Variants in PRKAG2 observed in about 807,000 individuals in gnomAD.
PRKAG2 encodes 5'-AMP-activated protein kinase subunit gamma-2.
In PRKAG2, 26 loss-of-function variants were observed where a neutral mutation model predicts 69.6. That is an observed-to-expected ratio of 0.37 (90% confidence interval 0.27 to 0.52). PRKAG2 has a LOEUF of 0.52. PRKAG2 is among the 20% of genes least tolerant of loss of function. The probability of loss-of-function intolerance (pLI) is 0.90; values close to 1 mark genes in which losing one functional copy is unlikely to be tolerated. For synonymous variants in PRKAG2, 293 were observed against 285.0 expected, an observed-to-expected ratio of 1.03 and a Z score of -0.28; for missense variants, 557 against 740.0, an observed-to-expected ratio of 0.75 and a Z score of 2.87.
chr7:151,790,564 T>TC (rs1235162094), intron 1 of PRKAG2: 1 of 152,188 alleles, frequency 6.6e-6, no homozygotes, highest in Admixed American at 6.5e-5. Flanking sequence ...TTGAATTAAC[T>TC]CCCCGACCAA....
At chr7:151,642,064 G>A (rs1427486201) in intron 4 of PRKAG2, among the ~76,000 whole-genome samples, 1 of 150,274 alleles carries the variant, frequency 6.7e-6, no homozygotes, top group African/African-American at 2.4e-5. Flanking sequence ...GGCCAGGCGT[G>A]GTGGCTCACA....
intron 1 of PRKAG2, among the ~76,000 whole-genome samples, chr7:151,826,127 C>T (rs2078899991): frequency 6.6e-6 from 1 of 152,074 alleles, no homozygotes; most frequent in Non-Finnish European, 1.5e-5. Flanking sequence ...TAAACACCCC[C>T]ACCCATCCAT....
intron 1 of PRKAG2, among the ~76,000 whole-genome samples, chr7:151,834,375 G>A (rs151259234): frequency 7.2e-5 from 11 of 152,332 alleles, no homozygotes; most frequent in East Asian, 5.8e-4. Flanking sequence ...CCACAAAGTC[G>A]CCAGGCACAC....
At position 151,809,643 on chromosome 7, in the gene PRKAG2, G is replaced by A. The variant is rs189400831; in HGVS notation, c.115-23102C>T. On this transcript the variant is annotated intron_variant, in intron 1 of 15. Coordinates refer to ENST00000287878, the MANE Select transcript of PRKAG2 (RefSeq NM_016203.4). Reference sequence around the variant, plus strand: ...ATCAAGCACCGTTTATTAGGGGGAAGCTCCGTTATCCAGAAAGCTCATCTT... The same window carrying A: ...ATCAAGCACCGTTTATTAGGGGGAAACTCCGTTATCCAGAAAGCTCATCTT... 6.9e-4 allele frequency: 115 copies of A among 165,894 alleles called. 1 individual carries two copies. Among genetic ancestry groups the A allele is most frequent in the Non-Finnish European group, 1.3e-3 (98 of 75,990 alleles). 10.3% of individuals were successfully genotyped at this position (165,894 alleles called of 1,614,324 possible).
At chr7:151,626,871 A>G (rs1401947309) in intron 5 of PRKAG2, among the ~76,000 whole-genome samples, 1 of 151,724 alleles carries the variant, frequency 6.6e-6, no homozygotes, top group Non-Finnish European at 1.5e-5. Context: ...GTATTTGTTC[A>G]TGTGCCGTGG....
intron 1 of PRKAG2, among the ~76,000 whole-genome samples, chr7:151,827,768 A>C (rs965371836): frequency 1.3e-3 from 196 of 150,378 alleles, no homozygotes; most frequent in Middle Eastern, 3.4e-3. Context: ...AAAAAAAAAA[A>C]AAAAAACTGC....
rs572779299 is a variant in PRKAG2, at chr7:151,741,753, C to A, written c.466+39399G>T. Among the ~76,000 whole-genome samples the A allele has an allele frequency of 2.1e-4, 32 of 151,884 alleles. No individual in the cohort carries two copies. In the South Asian group the frequency reaches 6.0e-3, roughly 29 times the overall value. ...TGAAATTTGTGTGGAAAATAACCAG[C>A]AACTTAGGCAGGCCTGACGTTTCCG... On this transcript the variant is annotated intron_variant, in intron 3 of 15. Coordinates refer to ENST00000287878, the MANE Select transcript of PRKAG2 (RefSeq NM_016203.4).
chr7:151,857,194 G>A lies in PRKAG2; in HGVS notation c.114+19313C>T, dbSNP rs141329046. Among the ~76,000 whole-genome samples, 739 of 150,812 alleles carry A rather than the reference G, an allele frequency of 4.9e-3. 5 individuals carry two copies. Among genetic ancestry groups the A allele is most frequent in the African/African-American group, 0.011 (444 of 41,138 alleles). On this transcript the variant is annotated intron_variant, in intron 1 of 15. Coordinates refer to ENST00000287878, the MANE Select transcript of PRKAG2 (RefSeq NM_016203.4). The stretch of plus-strand genomic sequence containing the variant: ...GGGCACAGAACGCGCAGCATCCTGC[G>A]GAAGACGGTGTGGGAGATGAGAGCC...
At chr7:151,700,630 G>A (rs1485625804) in intron 3 of PRKAG2, among the ~76,000 whole-genome samples, 1 of 152,126 alleles carries the variant, frequency 6.6e-6, no homozygotes, top group Non-Finnish European at 1.5e-5. Flanking sequence ...CAGGCCTGCC[G>A]GTCTGGGGCT....
chr7:151,676,909 C>G (rs1833030667), intron 3 of PRKAG2, among the ~76,000 whole-genome samples: 1 of 152,202 alleles, frequency 6.6e-6, no homozygotes, highest in Non-Finnish European at 1.5e-5. Context: ...GCGATCGGAG[C>G]AATGCAGCTG....
intron 1 of PRKAG2, among the ~76,000 whole-genome samples, chr7:151,812,489 T>G (rs1252971864): frequency 6.6e-6 from 1 of 152,236 alleles, no homozygotes; most frequent in Non-Finnish European, 1.5e-5. Flanking sequence ...GAAGCCGCAG[T>G]TCCAGGGACC....
In PRKAG2 at chr7:151,638,684, G is replaced by A. The variant is rs1826162140; in HGVS notation, c.685-6546C>T. On this transcript the variant is annotated intron_variant, in intron 4 of 15. Transcript: ENST00000287878. The surrounding 1 kb of genome is among the most constrained non-coding windows in gnomAD (Gnocchi z 4.3). ...GTGTCTTACATAATTGTGCCCAGGTGCAGCAAAACACTGTATTTTGAATGA... is the reference window on the plus strand; with the variant it reads ...GTGTCTTACATAATTGTGCCCAGGTACAGCAAAACACTGTATTTTGAATGA... Among the ~76,000 whole-genome samples the A allele has an allele frequency of 6.6e-6, 1 of 152,022 alleles. No homozygotes were observed. Among genetic ancestry groups the A allele is most frequent in the Admixed American group, 6.6e-5 (1 of 15,260 alleles).
At chr7:151,822,822 C>G (rs183779758) in intron 1 of PRKAG2, among the ~76,000 whole-genome samples, 75 of 151,440 alleles carry the variant, frequency 5.0e-4, no homozygotes, top group African/African-American at 1.6e-3. Context: ...CACACCTCCA[C>G]GTCACACTCC....
intron 15 of PRKAG2, chr7:151,558,169 G>T: frequency 1.0e-6 from 1 of 985,424 alleles, no homozygotes; most frequent in South Asian, 4.7e-5. Context: ...GTTTGACAAT[G>T]AACTGTTGCT....
chr7:151,560,351 C>T (rs1188706061), intron 15 of PRKAG2, 173 bp downstream of exon 15: 2 of 1,525,536 alleles, frequency 1.3e-6, no homozygotes, highest in East Asian at 2.5e-5. Flanking sequence ...CTCACTCACG[C>T]AGAACACTTA....
chr7:151,603,843 G>C (rs138497260), intron 5 of PRKAG2, among the ~76,000 whole-genome samples: 18 of 152,302 alleles, frequency 1.2e-4, no homozygotes, highest in African/African-American at 4.1e-4. Context: ...TAATGGCAAG[G>C]AGTTATGCCC....
At chr7:151,693,685 G>A (rs1028505905) in intron 3 of PRKAG2, among the ~76,000 whole-genome samples, 16 of 152,172 alleles carry the variant, frequency 1.1e-4, no homozygotes, top group Non-Finnish European at 1.6e-4. Flanking sequence ...GTGTTAGGAG[G>A]CCGGGCCTTG....
chr7:151,664,246 T>C (rs974709488), intron 4 of PRKAG2, among the ~76,000 whole-genome samples: 5 of 152,210 alleles, frequency 3.3e-5, no homozygotes, highest in Admixed American at 2.6e-4. Context: ...TAGCGTTTGC[T>C]AGCCATTGAG....
intron 15 of PRKAG2, chr7:151,558,525 G>A (rs1198694951): frequency 5.0e-5 from 47 of 948,862 alleles, no homozygotes; most frequent in Middle Eastern, 1.1e-3. Context: ...GACAGCGCTC[G>A]GGTGGGACAG....
Sources: allele counts gnomAD v4.1 joint callset (sites outside exome capture counted in the v4.1 genomes callset), GRCh38; gene constraint gnomAD v4.1.1; non-coding constraint Gnocchi (gnomAD v3.1); transcripts MANE v1.5; gene names NCBI Gene and HGNC (gene_info 2026-07-23, HGNC 2026-07-21).